Variants in PAIP2B observed in about 807,000 individuals in gnomAD.
The protein encoded by PAIP2B is polyadenylate-binding protein-interacting protein 2B.
PAIP2B carries 13 observed loss-of-function variants against 17.0 expected under a neutral mutation model. That is an observed-to-expected ratio of 0.76 (90% CI 0.50 to 1.22). The LOEUF (loss-of-function observed/expected upper bound fraction) is 1.22, where lower values mean the gene tolerates loss of function less well. PAIP2B is among the 50% of genes most tolerant of loss of function. The pLI is 0.00. For missense variants in PAIP2B, 117 were observed against 144.5 expected, an observed-to-expected ratio of 0.81 and a Z score of 0.98; for synonymous variants, 43 against 48.7, an observed-to-expected ratio of 0.88 and a Z score of 0.48.
intron 1 of PAIP2B, among the ~76,000 whole-genome samples, chr2:71,205,188 A>C (rs1451617150): frequency 6.6e-6 from 1 of 152,216 alleles, no homozygotes; most frequent in African/African-American, 2.4e-5. Flanking sequence ...TAATGAACTT[A>C]ACGCAAATAC....
In PAIP2B at chr2:71,185,928, G is replaced by A. The variant is rs573420863; in HGVS notation, c.*2551C>T. 6.6e-6 allele frequency: 1 copy of A among 152,200 alleles called. No homozygotes were observed. The highest frequency in any genetic ancestry group is 1.5e-5 in the Non-Finnish European group (1 of 68,042). The allele number at this position is 152,200 out of a possible 1,614,324, so 9.4% of individuals were successfully genotyped here. A position where few individuals can be genotyped will look rare whatever the true frequency, so the allele number is the denominator to read the frequency against. On this transcript the variant is annotated 3_prime_UTR_variant, in exon 4 of 4. Transcript: ENST00000244221. ...TCAATCACTAATAAACTAACATTGGGACCAGCCAGATTGGCAACTGTTAGA... is the reference window on the plus strand; with the variant it reads ...TCAATCACTAATAAACTAACATTGGAACCAGCCAGATTGGCAACTGTTAGA...
intron 2 of PAIP2B, among the ~76,000 whole-genome samples, chr2:71,199,522 G>A (rs1217829946): frequency 6.6e-6 from 1 of 150,962 alleles, no homozygotes; most frequent in South Asian, 2.1e-4. Flanking sequence ...GTTCCAAGTT[G>A]CATATAATTA....
rs373668779 is a variant in PAIP2B at position 71,226,611 on chromosome 2, G to C, written c.-12+317C>G. Among the ~76,000 whole-genome samples the C allele has an allele frequency of 4.1e-4, 63 of 152,258 alleles. 1 individual carries two copies. The highest frequency in any genetic ancestry group is 1.5e-3 in the African/African-American group (62 of 41,552). ...CTCAGGCCAAGAATTCGGTTCGAGT[G>C]TTAGGAGGACGCTGAGGGGAGTCAG... On this transcript the variant is annotated intron_variant, in intron 1 of 3. Coordinates refer to ENST00000244221, the MANE Select transcript of PAIP2B (RefSeq NM_020459.1).
intron 2 of PAIP2B, among the ~76,000 whole-genome samples, chr2:71,192,004 G>A (rs1674699359): frequency 6.6e-6 from 1 of 152,086 alleles, no homozygotes; most frequent in African/African-American, 2.4e-5. Flanking sequence ...ATGCCATGCT[G>A]ACCTGTCTGC....
intron 1 of PAIP2B, among the ~76,000 whole-genome samples, chr2:71,219,082 A>ATT (rs568552077): frequency 0.086 from 9,778 of 113,770 alleles, 468 homozygotes; most frequent in Non-Finnish European, 0.1. Flanking sequence ...CGCCTAGCTA[A>ATT]TTTTTTTTTT....
intron 1 of PAIP2B, among the ~76,000 whole-genome samples, chr2:71,223,539 T>C (rs1445726116): frequency 6.6e-6 from 1 of 151,636 alleles, no homozygotes; most frequent in Non-Finnish European, 1.5e-5. Flanking sequence ...TTGGGTTCAA[T>C]AAATTCTCTG....
intron 1 of PAIP2B, among the ~76,000 whole-genome samples, chr2:71,212,400 G>A (rs1268413433): frequency 1.3e-5 from 2 of 152,082 alleles, no homozygotes; most frequent in Non-Finnish European, 2.9e-5. Context: ...GCATGCCTCT[G>A]TGCACCCACC....
intron 2 of PAIP2B, among the ~76,000 whole-genome samples, chr2:71,194,526 G>C (rs531137904): frequency 3.3e-5 from 5 of 149,520 alleles, no homozygotes; most frequent in African/African-American, 1.2e-4. Context: ...TTCTGATTTG[G>C]CTCTCAGTTT....
intron 1 of PAIP2B, among the ~76,000 whole-genome samples, chr2:71,214,268 C>A (rs1675373542): frequency 1.3e-5 from 2 of 152,194 alleles, no homozygotes; most frequent in South Asian, 4.1e-4. Flanking sequence ...ACACTTCCCA[C>A]TTTAGGTCCA....
chr2:71,202,847 T>C (rs546130356), intron 1 of PAIP2B, among the ~76,000 whole-genome samples: 2 of 152,274 alleles, frequency 1.3e-5, no homozygotes, highest in East Asian at 3.9e-4. Flanking sequence ...TCACTTAGTC[T>C]TTCTAGGCAG....
intron 1 of PAIP2B, among the ~76,000 whole-genome samples, chr2:71,202,882 G>A (rs964948945): frequency 6.6e-6 from 1 of 152,088 alleles, no homozygotes; most frequent in Admixed American, 6.6e-5. Context: ...GGAGGGGTAG[G>A]AATCTTCCCA....
intron 2 of PAIP2B, among the ~76,000 whole-genome samples, chr2:71,199,289 A>G (rs906116591): frequency 6.6e-6 from 1 of 152,082 alleles, no homozygotes; most frequent in Non-Finnish European, 1.5e-5. Context: ...ATTGGAAGGG[A>G]AAAAAAGCCC....
At chr2:71,204,714 A>G (rs1675079159) in intron 1 of PAIP2B, among the ~76,000 whole-genome samples, 1 of 152,066 alleles carries the variant, frequency 6.6e-6, no homozygotes, top group Non-Finnish European at 1.5e-5. Context: ...AGGGAAAGAA[A>G]CCAGTTCTTT....
intron 3 of PAIP2B, among the ~76,000 whole-genome samples, chr2:71,188,961 T>C (rs570737023): frequency 8.5e-5 from 13 of 152,240 alleles, no homozygotes; most frequent in African/African-American, 2.6e-4. Flanking sequence ...CAGGGCAAGA[T>C]TGTTCAGAAT....
chr2:71,201,061 T>C (rs357762), intron 2 of PAIP2B, among the ~76,000 whole-genome samples: 114,294 of 151,120 alleles, frequency 0.76, 43,577 homozygotes, highest in East Asian at 1. Flanking sequence ...GTATGTGTGT[T>C]TCTGCAAGCC....
chr2:71,226,297 T>C (rs749519004), intron 1 of PAIP2B, among the ~76,000 whole-genome samples: 1 of 152,148 alleles, frequency 6.6e-6, no homozygotes, highest in African/African-American at 2.4e-5. Context: ...GTTAGTTTTC[T>C]GGAGAGATGA....
chr2:71,225,752 A>G (rs1031155279), intron 1 of PAIP2B, among the ~76,000 whole-genome samples: 1 of 152,228 alleles, frequency 6.6e-6, no homozygotes, highest in Admixed American at 6.5e-5. Context: ...GGCACAGCAT[A>G]GTTTGTACTG....
In PAIP2B at chr2:71,188,144, G is replaced by A. The variant is rs540085060; in HGVS notation, c.*335C>T. On this transcript the variant is annotated 3_prime_UTR_variant, in exon 4 of 4. Transcript: ENST00000244221. ...GAGAGGGGCATTTCCTAAATATCCA[G>A]TTTTTCTTAGTCAGCTTATTTTGTT... The A allele has an allele frequency of 1.2e-4, 31 of 253,590 alleles. No individual in the cohort carries two copies. The South Asian group carries it at 2.1e-3, about 17-fold the overall frequency. 15.7% of individuals were successfully genotyped at this position (253,590 alleles called of 1,614,324 possible).
intron 1 of PAIP2B, among the ~76,000 whole-genome samples, chr2:71,218,033 C>T (rs1488300325): frequency 6.6e-6 from 1 of 152,168 alleles, no homozygotes; most frequent in Non-Finnish European, 1.5e-5. Flanking sequence ...TGCCACTGCA[C>T]TCCAGCCTGG....
Sources: gnomAD v4.1 joint callset for allele counts (sites outside exome capture counted in the v4.1 genomes callset) on GRCh38, gnomAD v4.1.1 for gene constraint, MANE v1.5 for transcripts, NCBI Gene and HGNC (gene_info 2026-07-23, HGNC 2026-07-21) for gene names.